The following ADGRL2 variants were observed in gnomAD, a reference collection of about 807,000 sequenced individuals.
ADGRL2 encodes the protein adhesion G protein-coupled receptor L2.
Under a neutral mutation model 157.4 loss-of-function variants are expected in ADGRL2, and 44 were observed. That is an observed-to-expected ratio of 0.28 (90% CI 0.22 to 0.36). The LOEUF is 0.36. ADGRL2 is among the 10% of genes least tolerant of loss of function. ADGRL2 has a pLI of 1.00. For synonymous variants in ADGRL2, 585 were observed against 624.7 expected (o/e 0.94, Z 0.95); for missense variants, 1,510 against 1,768.9 (o/e 0.85, Z 2.63).
At chr1:81,916,482 GT>G (rs944159833) in intron 3 of ADGRL2, among the ~76,000 whole-genome samples, 13 of 151,512 alleles carry the variant, frequency 8.6e-5, no homozygotes, top group South Asian at 2.1e-4. Flanking sequence ...ATTTTCTTCT[GT>G]TTTTTTTCTT....
chr1:81,905,982 G>GTGTT (rs2094577725), intron 2 of ADGRL2, among the ~76,000 whole-genome samples: 1 of 149,280 alleles, frequency 6.7e-6, no homozygotes, highest in South Asian at 2.1e-4. Flanking sequence ...GTGTGTGTGT[G>GTGTT]TGTGTACATA....
intron 3 of ADGRL2, among the ~76,000 whole-genome samples, chr1:81,584,819 CG>C (rs1356398931): frequency 6.6e-6 from 1 of 152,034 alleles, no homozygotes; most frequent in Non-Finnish European, 1.5e-5. Flanking sequence ...AAGATTTTCC[CG>C]AGGAAATGTC....
chr1:81,321,307 C>G (rs1418171838), intron 1 of ADGRL2, among the ~76,000 whole-genome samples: 1 of 152,162 alleles, frequency 6.6e-6, no homozygotes, highest in African/African-American at 2.4e-5. Context: ...ATTTTGCTTT[C>G]TTACCATTCA....
At chr1:81,829,640 A>C (rs1490979413) in intron 1 of ADGRL2, among the ~76,000 whole-genome samples, 1 of 152,202 alleles carries the variant, frequency 6.6e-6, no homozygotes, top group African/African-American at 2.4e-5. Context: ...TTTCTGAAAC[A>C]GTTGCTTCTT....
chr1:81,587,820 A>T (rs2081057200), intron 3 of ADGRL2, among the ~76,000 whole-genome samples: 1 of 152,172 alleles, frequency 6.6e-6, no homozygotes. Context: ...CTGTGAAAAT[A>T]AATTAAGGAG....
intron 4 of ADGRL2, among the ~76,000 whole-genome samples, chr1:81,940,507 G>C (rs1400357847): frequency 6.6e-6 from 1 of 151,618 alleles, no homozygotes; most frequent in African/African-American, 2.4e-5. Flanking sequence ...CCTGAAAGTG[G>C]TTACATAGAC....
chr1:81,577,281 C>A (rs754889774), intron 2 of ADGRL2, among the ~76,000 whole-genome samples: 2 of 152,146 alleles, frequency 1.3e-5, no homozygotes, highest in Non-Finnish European at 2.9e-5. Context: ...GTTCTCTTGG[C>A]CACACTCACC....
chr1:81,796,874 C>A (rs949909700), upstream of ADGRL2, among the ~76,000 whole-genome samples: 3 of 152,088 alleles, frequency 2.0e-5, no homozygotes, highest in Admixed American at 6.5e-5. Context: ...TAGGGTTTGG[C>A]CTTCTTGGAC....
At chr1:81,429,970 C>T (rs558697764) in intron 1 of ADGRL2, among the ~76,000 whole-genome samples, 64 of 152,140 alleles carry the variant, frequency 4.2e-4, no homozygotes, top group African/African-American at 1.1e-3. Context: ...CTTGGCTCAC[C>T]GCAACCTCCG....
At chr1:81,347,226 C>T (rs1341339149) in intron 1 of ADGRL2, among the ~76,000 whole-genome samples, 1 of 151,996 alleles carries the variant, frequency 6.6e-6, no homozygotes, top group African/African-American at 2.4e-5. Context: ...TGGCAAAACG[C>T]TGTCTCTACT....
chr1:81,657,061 A>G (rs902765899), intron 3 of ADGRL2, among the ~76,000 whole-genome samples: 8 of 152,090 alleles, frequency 5.3e-5, no homozygotes, highest in Non-Finnish European at 8.8e-5. Context: ...TATCAGGGAA[A>G]GATGACAATT....
At chr1:81,353,171 G>A (rs1451643637) in intron 1 of ADGRL2, among the ~76,000 whole-genome samples, 2 of 151,622 alleles carry the variant, frequency 1.3e-5, no homozygotes, top group Non-Finnish European at 2.9e-5. Context: ...CTCTCTTCCA[G>A]ACCCTTACAT....
At chr1:81,511,955 T>C (rs527515370) in intron 2 of ADGRL2, among the ~76,000 whole-genome samples, 3 of 152,302 alleles carry the variant, frequency 2.0e-5, no homozygotes, top group African/African-American at 7.2e-5. Context: ...AATGGAATAA[T>C]TTATTCCATT....
At chr1:81,764,280 C>T (rs980675582) in intron 2 of ADGRL2, among the ~76,000 whole-genome samples, 3 of 150,052 alleles carry the variant, frequency 2.0e-5, no homozygotes, top group Non-Finnish European at 4.4e-5. Context: ...GTTAATAAAT[C>T]GTTTATTATT....
chr1:81,425,272 A>G (rs1243104887), intron 1 of ADGRL2, among the ~76,000 whole-genome samples: 1 of 152,224 alleles, frequency 6.6e-6, no homozygotes, highest in Non-Finnish European at 1.5e-5. Context: ...ATGCATGTGT[A>G]CACACACAGG....
intron 3 of ADGRL2, among the ~76,000 whole-genome samples, chr1:81,639,482 C>T (rs1184551296): frequency 2.3e-5 from 3 of 129,690 alleles, no homozygotes; most frequent in African/African-American, 9.1e-5. Context: ...GGTGGGAGAA[C>T]TGCTTGAGGC....
At chr1:81,527,093 G>T (rs951374820) in intron 2 of ADGRL2, among the ~76,000 whole-genome samples, 1 of 152,186 alleles carries the variant, frequency 6.6e-6, no homozygotes, top group Non-Finnish European at 1.5e-5. Context: ...AAATCAGAAT[G>T]TTTTCATTCA....
chr1:81,683,895 C>A (rs1321619794), intron 3 of ADGRL2, among the ~76,000 whole-genome samples: 1 of 152,066 alleles, frequency 6.6e-6, no homozygotes, highest in African/African-American at 2.4e-5. Context: ...CGGCTCGCTG[C>A]AACCTCCGCC....
intron 2 of ADGRL2, among the ~76,000 whole-genome samples, chr1:81,576,657 A>C (rs538782559): frequency 6.6e-6 from 1 of 152,118 alleles, no homozygotes; most frequent in South Asian, 2.1e-4. Context: ...GTTTCTCTCC[A>C]TGGCACCAGA....
Sources: allele counts gnomAD v4.1 joint callset (sites outside exome capture counted in the v4.1 genomes callset), GRCh38; gene constraint gnomAD v4.1.1; transcripts MANE v1.5; gene names NCBI Gene and HGNC (gene_info 2026-07-23, HGNC 2026-07-21).